The following TBC1D1 variants were observed in gnomAD, a reference collection of about 807,000 sequenced individuals.
TBC1D1 encodes the protein TBC1 domain family member 1.
Under a neutral mutation model 125.6 loss-of-function variants are expected in TBC1D1, and 89 were observed. The observed-to-expected ratio is 0.71, with a 90% confidence interval of 0.60 to 0.85. TBC1D1 has a LOEUF of 0.85. TBC1D1 is among the 40% of genes least tolerant of loss of function. The pLI, the probability that TBC1D1 is intolerant of heterozygous loss-of-function variation, is 0.00. For synonymous variants in TBC1D1, 565 were observed against 564.1 expected (o/e 1.00, Z -0.02); for missense variants, 1,377 against 1,469.2 (o/e 0.94, Z 1.03).
chr4:38,136,878 C>T (rs895879480), intron 19 of TBC1D1, among the ~76,000 whole-genome samples: 15 of 152,244 alleles, frequency 9.9e-5, no homozygotes, highest in Admixed American at 9.8e-4. Context: ...TCCACCATCT[C>T]AGCATCGGCT....
At chr4:38,045,549 T>C (rs1749270564) in intron 9 of TBC1D1, among the ~76,000 whole-genome samples, 1 of 152,160 alleles carries the variant, frequency 6.6e-6, no homozygotes. Context: ...TGATTTTCCT[T>C]ATAGACGAAT....
At chr4:37,937,009 A>G (rs1724532272) in intron 2 of TBC1D1, among the ~76,000 whole-genome samples, 1 of 152,184 alleles carries the variant, frequency 6.6e-6, no homozygotes, top group African/African-American at 2.4e-5. Flanking sequence ...AGCCTGGCAA[A>G]TGAACAGCAA....
At chr4:38,060,766 T>C (rs75564054) in intron 12 of TBC1D1, 75,388 of 664,738 alleles carry the variant, frequency 0.11, 5,063 homozygotes, top group Non-Finnish European at 0.14. Flanking sequence ...ACAAACTTGA[T>C]GTGCTTGGAG....
intron 4 of TBC1D1, 90 bp from the exon 5 acceptor site, chr4:38,020,497 AAAAT>A (rs1320976851): frequency 1.0e-6 from 1 of 994,948 alleles, no homozygotes; most frequent in African/African-American, 1.6e-5. Flanking sequence ...AATAAAAAGT[AAAAT>A]AAATTGTGCT....
intron 2 of TBC1D1, among the ~76,000 whole-genome samples, chr4:38,011,071 G>A (rs1245954061): frequency 6.6e-6 from 1 of 152,156 alleles, no homozygotes; most frequent in African/African-American, 2.4e-5. Context: ...TGCCTCAGAG[G>A]CTGGGCACAG....
intron 6 of TBC1D1, among the ~76,000 whole-genome samples, chr4:38,024,275 G>C (rs1481012512): frequency 1.3e-5 from 2 of 152,180 alleles, no homozygotes; most frequent in Non-Finnish European, 2.9e-5. Flanking sequence ...TTTCCTTAAT[G>C]GTTGTCAAGA....
At chr4:37,987,107 CT>C (rs1248008661) in intron 2 of TBC1D1, among the ~76,000 whole-genome samples, 2 of 152,102 alleles carry the variant, frequency 1.3e-5, no homozygotes, top group African/African-American at 4.8e-5. Context: ...ATTGACTTTG[CT>C]CAGAAAAACA....
intron 2 of TBC1D1, among the ~76,000 whole-genome samples, chr4:38,000,109 C>T (rs1578213569): frequency 6.6e-6 from 1 of 152,168 alleles, no homozygotes. Flanking sequence ...GAGGCTTTCT[C>T]ATTTTCAAGT....
intron 7 of TBC1D1, among the ~76,000 whole-genome samples, chr4:38,028,485 G>T (rs1745501995): frequency 6.6e-6 from 1 of 152,156 alleles, no homozygotes; most frequent in African/African-American, 2.4e-5. Context: ...AATGCTTTAA[G>T]AAAGTTTATG....
At chr4:37,912,221 T>C (rs1718771406) in intron 2 of TBC1D1, among the ~76,000 whole-genome samples, 1 of 152,230 alleles carries the variant, frequency 6.6e-6, no homozygotes, top group Non-Finnish European at 1.5e-5. Flanking sequence ...TCATCGTAGA[T>C]GTATCTTCTG....
At chr4:37,996,063 T>C (rs972610056) in intron 2 of TBC1D1, 31 of 515,602 alleles carry the variant, frequency 6.0e-5, no homozygotes, top group Middle Eastern at 6.3e-4. Context: ...AGGGAATCCT[T>C]TTGCAAGGCC....
At chr4:38,056,287 C>G (rs1408796754) in intron 12 of TBC1D1, among the ~76,000 whole-genome samples, 1 of 152,136 alleles carries the variant, frequency 6.6e-6, no homozygotes, top group Non-Finnish European at 1.5e-5. Context: ...ACCCCTGGTC[C>G]GAGTCCTGTC....
At chr4:37,918,646 C>A (rs909434901) in intron 2 of TBC1D1, among the ~76,000 whole-genome samples, 30 of 152,156 alleles carry the variant, frequency 2.0e-4, no homozygotes, top group African/African-American at 7.0e-4. Context: ...TGGGTTTTCA[C>A]CATGTTTGCC....
intron 2 of TBC1D1, among the ~76,000 whole-genome samples, chr4:37,927,112 C>T (rs1722287840): frequency 6.6e-6 from 1 of 151,416 alleles, no homozygotes; most frequent in Admixed American, 6.6e-5. Context: ...GAGCGAAACT[C>T]TGTCTCAAAA....
chr4:38,107,019 C>T (rs1761425097), intron 15 of TBC1D1, among the ~76,000 whole-genome samples: 1 of 151,500 alleles, frequency 6.6e-6, no homozygotes, highest in African/African-American at 2.4e-5. Context: ...TCTCTCTTCC[C>T]CACTCTTTCC....
intron 2 of TBC1D1, among the ~76,000 whole-genome samples, chr4:37,928,029 T>C (rs546865790): frequency 6.6e-6 from 1 of 152,326 alleles, no homozygotes. Context: ...TAGAGTTACC[T>C]ACTAGCTTAA....
intron 2 of TBC1D1, among the ~76,000 whole-genome samples, chr4:37,983,627 A>G (rs1244514757): frequency 1.3e-5 from 2 of 152,220 alleles, no homozygotes; most frequent in Non-Finnish European, 1.5e-5. Flanking sequence ...TGTGATTTTC[A>G]TAGTAAACTC....
chr4:37,925,985 T>C (rs184452680), intron 2 of TBC1D1, among the ~76,000 whole-genome samples: 157 of 152,362 alleles, frequency 1.0e-3, no homozygotes, highest in African/African-American at 3.5e-3. Context: ...GATTTATGTC[T>C]TTCTGTTTGA....
intron 2 of TBC1D1, among the ~76,000 whole-genome samples, chr4:37,954,404 A>T (rs199629515): frequency 2.0e-4 from 28 of 136,642 alleles, no homozygotes; most frequent in African/African-American, 6.6e-4. Context: ...AAAAAAAAAA[A>T]AATTGCCTAC....
Sources: gnomAD v4.1 joint callset for allele counts (sites outside exome capture counted in the v4.1 genomes callset) on GRCh38, gnomAD v4.1.1 for gene constraint, MANE v1.5 for transcripts, NCBI Gene and HGNC (gene_info 2026-07-23, HGNC 2026-07-21) for gene names.